ATP9B: variants seen among roughly 807,000 people sequenced by gnomAD.
The protein encoded by ATP9B is probable phospholipid-transporting ATPase IIB.
Under a neutral mutation model 146.1 loss-of-function variants are expected in ATP9B, and 110 were observed. The observed-to-expected ratio is 0.75, with a 90% CI of 0.65 to 0.88. The LOEUF is 0.88. ATP9B is among the 40% of genes least tolerant of loss of function. The pLI, the probability that ATP9B is intolerant of heterozygous loss-of-function variation, is 0.00. For synonymous variants in ATP9B, 604 were observed against 569.7 expected, an observed-to-expected ratio of 1.06 and a Z score of -0.86; for missense variants, 1,499 against 1,496.4, an observed-to-expected ratio of 1.00 and a Z score of -0.03.
At chr18:79,192,170 T>G (rs1406577880) in intron 8 of ATP9B, among the ~76,000 whole-genome samples, 1 of 152,192 alleles carries the variant, frequency 6.6e-6, no homozygotes, top group Non-Finnish European at 1.5e-5. Flanking sequence ...TTTCTCACTT[T>G]GCAGCTGCTG....
At chr18:79,145,444 A>T (rs1193473499) in intron 6 of ATP9B, 2 of 121,666 alleles carry the variant, frequency 1.6e-5, no homozygotes, top group South Asian at 1.9e-4. Context: ...CTGAAGGTGC[A>T]GGCTGCATGT....
intron 6 of ATP9B, among the ~76,000 whole-genome samples, chr18:79,151,373 ATGT>A (rs1343688350): frequency 8.5e-5 from 13 of 152,146 alleles, no homozygotes; most frequent in Non-Finnish European, 1.5e-4. Context: ...AGATACATCC[ATGT>A]TGTTGTGTGG....
intron 25 of ATP9B, among the ~76,000 whole-genome samples, chr18:79,350,991 G>A (rs530772828): frequency 8.3e-4 from 126 of 152,052 alleles, no homozygotes; most frequent in African/African-American, 2.1e-3. Flanking sequence ...GGGTGGTCTC[G>A]AACTCCTGAC....
chr18:79,359,612 T>C (rs2096975477), intron 26 of ATP9B, 150 bp downstream of exon 26: 2 of 645,160 alleles, frequency 3.1e-6, no homozygotes, highest in South Asian at 3.5e-5. Context: ...TGTCTCCTAA[T>C]TGTTGTTGGC....
chr18:79,158,656 T>G (rs1358333906), intron 7 of ATP9B, among the ~76,000 whole-genome samples: 1 of 152,254 alleles, frequency 6.6e-6, no homozygotes, highest in Non-Finnish European at 1.5e-5. Context: ...AATTTCCTTC[T>G]GTTATTGATT....
At chr18:79,229,234 C>T (rs545229039) in intron 11 of ATP9B, among the ~76,000 whole-genome samples, 1 of 152,272 alleles carries the variant, frequency 6.6e-6, no homozygotes, top group South Asian at 2.1e-4. Context: ...GGCACTCTCC[C>T]ACCCCAACAA....
At chr18:79,375,355 A>C in intron 28 of ATP9B, 39 bp from the exon 29 acceptor site, 1 of 1,567,942 alleles carries the variant, frequency 6.4e-7, no homozygotes, top group Non-Finnish European at 8.8e-7. Context: ...TATCTCCTTT[A>C]ATCTGTCCTT....
At chr18:79,124,717 G>A (rs2094251675) in intron 4 of ATP9B, among the ~76,000 whole-genome samples, 1 of 152,224 alleles carries the variant, frequency 6.6e-6, no homozygotes, top group African/African-American at 2.4e-5. Flanking sequence ...TAAGGTTAGG[G>A]GTTTGGGGAG....
At chr18:79,124,030 G>A (rs1471194802) in intron 4 of ATP9B, among the ~76,000 whole-genome samples, 1 of 152,200 alleles carries the variant, frequency 6.6e-6, no homozygotes, top group Admixed American at 6.5e-5. Context: ...TGAGGATGTG[G>A]AGACATTGGA....
chr18:79,245,700 TGC>T (rs2095943452), intron 11 of ATP9B, among the ~76,000 whole-genome samples: 1 of 137,206 alleles, frequency 7.3e-6, no homozygotes, highest in African/African-American at 2.8e-5. Flanking sequence ...CTACTGACTG[TGC>T]GGAGGGTACC....
chr18:79,322,809 A>G (rs1216013947), intron 15 of ATP9B, among the ~76,000 whole-genome samples: 4 of 152,224 alleles, frequency 2.6e-5, no homozygotes, highest in Non-Finnish European at 4.4e-5. Flanking sequence ...TAAAGGTCAA[A>G]TTCTAGGTGC....
intron 7 of ATP9B, among the ~76,000 whole-genome samples, chr18:79,172,143 T>C (rs1040369991): frequency 6.6e-6 from 1 of 152,224 alleles, no homozygotes; most frequent in African/African-American, 2.4e-5. Context: ...CACCTCAAAC[T>C]CCTGACCTTG....
rs527625483 is a variant in ATP9B, at chr18:79,127,442, T to G, written c.667+1067T>G. ...TGTGGTTTTGCCCACTCTGCACATTTCATATCAATGGAATTATGCAATGTG... is the reference window on the plus strand; with the variant it reads ...TGTGGTTTTGCCCACTCTGCACATTGCATATCAATGGAATTATGCAATGTG... On this transcript the variant is annotated intron_variant, in intron 5 of 29. Transcript: ENST00000426216. Among the ~76,000 whole-genome samples, 3 of 152,280 alleles carry G rather than the reference T, an allele frequency of 2.0e-5. No homozygotes were observed. In the South Asian group the frequency reaches 6.2e-4, roughly 32 times the overall value.
intron 1 of ATP9B, among the ~76,000 whole-genome samples, chr18:79,079,423 G>T (rs2073003677): frequency 6.6e-6 from 1 of 152,104 alleles, no homozygotes; most frequent in Non-Finnish European, 1.5e-5. Context: ...TTCTTCATAT[G>T]TTTGTCGGCC....
chr18:79,348,914 G>A (rs1021929944), intron 25 of ATP9B, among the ~76,000 whole-genome samples: 18 of 152,356 alleles, frequency 1.2e-4, no homozygotes, highest in African/African-American at 3.6e-4. Context: ...AACCCGGGAC[G>A]GGGAGGTTTC....
chr18:79,377,737 C>G lies in ATP9B; in HGVS notation c.*354C>G. 1 of 236,660 alleles carries G rather than the reference C, an allele frequency of 4.2e-6. No homozygotes were observed. The highest frequency in any genetic ancestry group is 8.3e-6 in the Non-Finnish European group (1 of 120,940). 14.7% of individuals were successfully genotyped at this position (236,660 alleles called of 1,614,324 possible). A position where few individuals can be genotyped will look rare whatever the true frequency, so the allele number is the denominator to read the frequency against. ...CAAGCCCAGGGCACAGAGGCCGGGACGGCCTCTCCCTCTCAGTGTGAGGCT... is the reference window on the plus strand; with the variant it reads ...CAAGCCCAGGGCACAGAGGCCGGGAGGGCCTCTCCCTCTCAGTGTGAGGCT... On this transcript the variant is annotated 3_prime_UTR_variant, in exon 30 of 30. Transcript: ENST00000426216.
intron 15 of ATP9B, among the ~76,000 whole-genome samples, chr18:79,322,803 G>C (rs1231466378): frequency 6.6e-6 from 1 of 152,144 alleles, no homozygotes; most frequent in East Asian, 1.9e-4. Context: ...GGTTTATAAA[G>C]GTCAAATTCT....
chr18:79,247,174 C>T (rs968574113), intron 11 of ATP9B, among the ~76,000 whole-genome samples: 2 of 152,176 alleles, frequency 1.3e-5, no homozygotes, highest in African/African-American at 4.8e-5. Flanking sequence ...ATGTGCTGAC[C>T]TTTCATATAT....
chr18:79,337,386 G>C lies in ATP9B; in HGVS notation c.2220G>C (p.Val740=), dbSNP rs755097127. ...REMELLCLTG[V]EDQLQADVRP... is the part of the protein sequence containing the mutation. ...TGGAACTGCTGTGCCTCACCGGCGTGGAGGACCAGCTGCAGGCAGACGTGC... is the reference window on the plus strand; with the variant it reads ...TGGAACTGCTGTGCCTCACCGGCGTCGAGGACCAGCTGCAGGCAGACGTGC... Residue 740 remains valine, a synonymous_variant, in exon 19 of 30, where the codon GTG becomes GTC. Coordinates refer to ENST00000426216, the MANE Select transcript of ATP9B (RefSeq NM_198531.5). 22 of 1,614,004 alleles carry C rather than the reference G, an allele frequency of 1.4e-5. No homozygotes were observed. The highest frequency in any genetic ancestry group is 1.8e-5 in the Non-Finnish European group (21 of 1,180,036).
Sources: allele counts gnomAD v4.1 joint callset (sites outside exome capture counted in the v4.1 genomes callset), GRCh38; gene constraint gnomAD v4.1.1; transcripts MANE v1.5; gene names NCBI Gene and HGNC (gene_info 2026-07-23, HGNC 2026-07-21).